The following ADCY2 variants were observed in gnomAD, a reference collection of about 807,000 sequenced individuals.
ADCY2 encodes adenylate cyclase 2, also known as adenylate cyclase type 2.
In ADCY2, 31 loss-of-function variants were observed where a neutral mutation model predicts 125.2. The observed-to-expected ratio is 0.25, with a 90% CI of 0.19 to 0.33. ADCY2 has a LOEUF of 0.33. Among genes scored for constraint, ADCY2 ranks in the 10% least tolerant of loss-of-function variants. The probability of loss-of-function intolerance (pLI) is 1.00; values close to 1 mark genes in which losing one functional copy is unlikely to be tolerated. For missense variants in ADCY2, 904 were observed against 1,418.2 expected (o/e 0.64, Z 5.82); for synonymous variants, 512 against 548.4 (o/e 0.93, Z 0.93).
chr5:7,526,695 T>G (rs1406855162), intron 3 of ADCY2, among the ~76,000 whole-genome samples: 3 of 152,210 alleles, frequency 2.0e-5, no homozygotes, highest in Admixed American at 6.5e-5. Context: ...GAGGAAGAGA[T>G]ATTTTTCAGC....
intron 11 of ADCY2, among the ~76,000 whole-genome samples, chr5:7,716,730 A>G (rs1741603714): frequency 6.6e-6 from 1 of 152,204 alleles, no homozygotes; most frequent in African/African-American, 2.4e-5. Flanking sequence ...GCATGTTCTC[A>G]CTCATATGTG....
chr5:7,680,317 G>GC (rs541676489), intron 4 of ADCY2, among the ~76,000 whole-genome samples: 89 of 152,282 alleles, frequency 5.8e-4, no homozygotes, highest in African/African-American at 2.1e-3. Flanking sequence ...TTGCACGTCA[G>GC]CCCCCCACAG....
chr5:7,704,154 C>T (rs1456485599), intron 7 of ADCY2, among the ~76,000 whole-genome samples: 3 of 152,030 alleles, frequency 2.0e-5, no homozygotes, highest in South Asian at 2.1e-4. Flanking sequence ...TTGAGCCGTG[C>T]GTGGGATGGG....
chr5:7,693,424 T>G (rs1329648182), intron 5 of ADCY2, among the ~76,000 whole-genome samples: 1 of 138,484 alleles, frequency 7.2e-6, no homozygotes, highest in African/African-American at 2.6e-5. Flanking sequence ...TTTTTTTTTT[T>G]TTTTTTTTTT....
rs117110735 is a variant in ADCY2, at chr5:7,417,318, A to G, written c.408+2548A>G. Among the ~76,000 whole-genome samples, 6 of 152,208 alleles carry G rather than the reference A, an allele frequency of 3.9e-5. No homozygotes were observed. The East Asian group carries it at 5.8e-4, about 15-fold the overall frequency. ...GTCGGTGTTTATATATAAGAATACT[A>G]TTGTTTTTATGTTGACCTTACAGTG... On this transcript the variant is annotated intron_variant, in intron 2 of 24. Coordinates refer to ENST00000338316, the MANE Select transcript of ADCY2 (RefSeq NM_020546.3).
chr5:7,802,158 G>T lies in ADCY2; in HGVS notation c.2629-60G>T. 6.3e-7 allele frequency: 1 copy of T among 1,577,918 alleles called. No homozygotes were observed. Among genetic ancestry groups the T allele is most frequent in the Non-Finnish European group, 8.6e-7 (1 of 1,160,186 alleles). ...GGCATAAACAAGCCACTTGCCTGTG[G>T]AGTGTTTCTGTTTAAAGGTCAGTCT... On this transcript the variant is annotated intron_variant, in intron 20 of 24. Coordinates refer to ENST00000338316, the MANE Select transcript of ADCY2 (RefSeq NM_020546.3). This position sits in a 1 kb window ranked among gnomAD's most constrained non-coding sequence, Gnocchi z 4.6.
intron 3 of ADCY2, among the ~76,000 whole-genome samples, chr5:7,562,610 C>A (rs1378266204): frequency 6.6e-6 from 1 of 152,088 alleles, no homozygotes; most frequent in Non-Finnish European, 1.5e-5. Context: ...AGCATGCGTG[C>A]ACAGACACAC....
chr5:7,773,893 T>C (rs956111137), intron 18 of ADCY2, among the ~76,000 whole-genome samples: 1 of 152,244 alleles, frequency 6.6e-6, no homozygotes, highest in Non-Finnish European at 1.5e-5. Context: ...TTAATCATTA[T>C]GATACTTTCC....
intron 23 of ADCY2, 56 bp from the exon 24 acceptor site, chr5:7,820,508 AT>A: frequency 6.3e-7 from 1 of 1,597,498 alleles, no homozygotes; most frequent in Non-Finnish European, 8.5e-7. Context: ...AATAAAAAAA[AT>A]AAAAAGACAA....
chr5:7,658,164 T>G (rs1186215068), intron 4 of ADCY2: 1 of 152,394 alleles, frequency 6.6e-6, no homozygotes, highest in East Asian at 1.9e-4. Context: ...ACCAATGCAC[T>G]GCACTGATGG....
chr5:7,757,182 C>T (rs1743020337), intron 15 of ADCY2, among the ~76,000 whole-genome samples: 1 of 152,166 alleles, frequency 6.6e-6, no homozygotes, highest in African/African-American at 2.4e-5. Context: ...CACTTAAAAA[C>T]ATAATTTCAG....
At chr5:7,815,856 C>G (rs768762428) in intron 22 of ADCY2, among the ~76,000 whole-genome samples, 6 of 152,160 alleles carry the variant, frequency 3.9e-5, no homozygotes, top group African/African-American at 7.2e-5. Flanking sequence ...AAACGGGGGA[C>G]TTAAACCACA....
At chr5:7,734,934 G>A (rs1444730975) in intron 14 of ADCY2, among the ~76,000 whole-genome samples, 1 of 152,094 alleles carries the variant, frequency 6.6e-6, no homozygotes, top group Non-Finnish European at 1.5e-5. Flanking sequence ...ATCCTCACAT[G>A]GCAGAAAGAA....
chr5:7,648,071 G>A (rs896779114), intron 4 of ADCY2, among the ~76,000 whole-genome samples: 2 of 152,134 alleles, frequency 1.3e-5, no homozygotes, highest in African/African-American at 4.8e-5. Flanking sequence ...AGCCTTAATA[G>A]TCCATGAGAT....
chr5:7,678,525 T>G (rs142317609), intron 4 of ADCY2, among the ~76,000 whole-genome samples: 26 of 152,324 alleles, frequency 1.7e-4, no homozygotes, highest in Non-Finnish European at 3.5e-4. Flanking sequence ...GAGAGAGATG[T>G]ACACACACAC....
chr5:7,717,101 T>C, intron 11 of ADCY2, 56 bp from the exon 12 acceptor site: 1 of 1,234,956 alleles, frequency 8.1e-7, no homozygotes, highest in Non-Finnish European at 1.2e-6. Context: ...AAAAATTGGC[T>C]TAATATTTAT....
intron 3 of ADCY2, among the ~76,000 whole-genome samples, chr5:7,562,008 A>T (rs1270472573): frequency 6.6e-6 from 1 of 152,178 alleles, no homozygotes; most frequent in Non-Finnish European, 1.5e-5. Context: ...CGTAGTATGT[A>T]TGTAGGCCTT....
At chr5:7,527,975 AT>A (rs1364793053) in intron 3 of ADCY2, among the ~76,000 whole-genome samples, 2 of 152,294 alleles carry the variant, frequency 1.3e-5, no homozygotes, top group East Asian at 3.9e-4. Context: ...TTCAGGGAAC[AT>A]AGGGTATTAA....
intron 1 of ADCY2, among the ~76,000 whole-genome samples, chr5:7,413,606 T>G (rs973982013): frequency 6.6e-6 from 1 of 151,926 alleles, no homozygotes; most frequent in East Asian, 1.9e-4. Flanking sequence ...CCGGTTTTTT[T>G]TTTTAATAGA....
Sources: allele counts gnomAD v4.1 joint callset (sites outside exome capture counted in the v4.1 genomes callset), GRCh38; gene constraint gnomAD v4.1.1; non-coding constraint Gnocchi (gnomAD v3.1); transcripts MANE v1.5; gene names NCBI Gene and HGNC (gene_info 2026-07-23, HGNC 2026-07-21).